Variants in SVIP observed in about 807,000 individuals in gnomAD.
SVIP encodes small VCP interacting protein.
Under a neutral mutation model 12.9 loss-of-function variants are expected in SVIP, and 14 were observed. The ratio of observed to expected loss-of-function variants is 1.08; its 90% confidence interval spans 0.72 to 1.70. The LOEUF is 1.70. Ranked by LOEUF, SVIP falls within the 40% of genes most tolerant of loss-of-function variation. SVIP has a pLI of 0.00. For synonymous variants in SVIP, 35 were observed against 33.3 expected, an observed-to-expected ratio of 1.05 and a Z score of -0.17; for missense variants, 93 against 90.8, an observed-to-expected ratio of 1.02 and a Z score of -0.10.
Position 22,827,207 on chromosome 11 carries a change from C to G in SVIP, c.219G>C (p.Arg73Ser). The change falls in exon 3 of 4, where the codon AGG (arginine) becomes AGC (serine). Residue 73 changes from arginine to serine, a missense_variant and splice_region_variant. By Grantham distance (110) the Arg-to-Ser change is moderately radical. Coordinates refer to ENST00000354193, the MANE Select transcript of SVIP (RefSeq NM_148893.3). ...TCACTAAGAAAATTTTAATACTTAC[C>G]CTAAGTCCACCTTCTGGTGGGGGCC... ...TSGPPPEGGL[R>S]WTVS 6.2e-7 allele frequency: 1 copy of G among 1,601,074 alleles called. No homozygotes were observed. Among genetic ancestry groups the G allele is most frequent in the Non-Finnish European group, 8.5e-7 (1 of 1,173,546 alleles).
At chr11:22,824,476 ATATATATATG>A (rs1564906006) in intron 3 of SVIP, among the ~76,000 whole-genome samples, 2 of 143,276 alleles carry the variant, frequency 1.4e-5, no homozygotes, top group African/African-American at 2.5e-5. Context: ...ATATATACGT[ATATATATATG>A]TATATATATA....
intron 3 of SVIP, among the ~76,000 whole-genome samples, chr11:22,826,544 C>CT (rs1590172940): frequency 6.6e-6 from 1 of 152,104 alleles, no homozygotes; most frequent in African/African-American, 2.4e-5. Context: ...TTTTCCTGAG[C>CT]TTTAAGGGAT....
intron 3 of SVIP, among the ~76,000 whole-genome samples, chr11:22,824,277 A>C (rs1476040477): frequency 6.6e-6 from 1 of 152,088 alleles, no homozygotes; most frequent in Non-Finnish European, 1.5e-5. Context: ...TCTTGAGTTA[A>C]GAAAATATTC....
chr11:22,824,097 C>A (rs1857581306), intron 3 of SVIP, among the ~76,000 whole-genome samples: 1 of 152,094 alleles, frequency 6.6e-6, no homozygotes, highest in Non-Finnish European at 1.5e-5. Flanking sequence ...AAGTTGGTAA[C>A]CACTGCACAG....
At position 22,829,743 on chromosome 11, in the gene SVIP, C is replaced by T. The variant is rs377496190; in HGVS notation, c.6G>A (p.Gly2=). ...ACTCCCCGGGACAAGGAAAACACAG[C>T]CCCATAGGGACGACAGCTTGAGAAC... is the stretch of plus-strand genomic sequence containing the variant. The part of the protein sequence containing the change: M[G]LCFPCPGESA... The change falls in exon 1 of 4, where the codon GGG becomes GGA. Residue 2 remains glycine (G), a synonymous_variant. Coordinates refer to ENST00000354193, the MANE Select transcript of SVIP (RefSeq NM_148893.3). 323 of 1,606,676 alleles carry T rather than the reference C, an allele frequency of 2.0e-4. 1 individual carries two copies. The highest frequency in any genetic ancestry group is 4.2e-4 in the Admixed American group (25 of 59,318).
rs78951626 is a variant in SVIP, at chr11:22,826,336, C to A, written c.219+871G>T. ...TGTAGGCAAGTGTATGTGTATATGT[C>A]CATGTATATGTATGTGCATGTGTGT... On this transcript the variant is annotated intron_variant, in intron 3 of 3. Coordinates refer to ENST00000354193, the MANE Select transcript of SVIP (RefSeq NM_148893.3). Among the ~76,000 whole-genome samples the A allele has an allele frequency of 5.4e-3, 826 of 151,724 alleles. 13 individuals are homozygous for A. Among genetic ancestry groups the A allele is most frequent in the East Asian group, 0.038 (197 of 5,156 alleles).
intron 3 of SVIP, 111 bp from the exon 4 acceptor site, chr11:22,823,244 T>C: frequency 1.4e-6 from 1 of 732,926 alleles, no homozygotes; most frequent in Non-Finnish European, 2.2e-6. Flanking sequence ...AAATACAAAA[T>C]GATTTTTCTG....
At chr11:22,825,839 T>A (rs2134758415) in intron 3 of SVIP, among the ~76,000 whole-genome samples, 1 of 152,324 alleles carries the variant, frequency 6.6e-6, no homozygotes, top group South Asian at 2.1e-4. Flanking sequence ...CGTATGACTT[T>A]AACTTAATAC....
intron 3 of SVIP, among the ~76,000 whole-genome samples, chr11:22,826,724 A>T (rs1470331344): frequency 6.6e-6 from 1 of 152,150 alleles, no homozygotes; most frequent in African/African-American, 2.4e-5. Flanking sequence ...CCAAATTAAC[A>T]TTTACATAAC....
rs889047354 is a variant in SVIP, at chr11:22,829,692, C to G, written c.54+3G>C. ...GGCGGACGCAGGGACCTGCTCTACTCACCAGGTCCGGCGTGGGAGGCGCGG... is the reference window on the plus strand; with the variant it reads ...GGCGGACGCAGGGACCTGCTCTACTGACCAGGTCCGGCGTGGGAGGCGCGG... On this transcript the variant is annotated splice_donor_region_variant and intron_variant, in intron 1 of 3. Transcript: ENST00000354193. 6.3e-7 allele frequency: 1 copy of G among 1,599,534 alleles called. No individual in the cohort carries two copies. Among genetic ancestry groups the G allele is most frequent in the Non-Finnish European group, 8.5e-7 (1 of 1,174,050 alleles).
rs111856595 is a variant in SVIP at position 22,826,470 on chromosome 11, A to G, written c.219+737T>C. Among the ~76,000 whole-genome samples, 828 of 152,332 alleles carry G rather than the reference A, an allele frequency of 5.4e-3. 13 individuals are homozygous for G. The highest frequency in any genetic ancestry group is 0.038 in the East Asian group (198 of 5,192). ...TGAAATTAAAGACATTGTCCTTTTC[A>G]CAAATATACTACTATTTACTTTAAA... On this transcript the variant is annotated intron_variant, in intron 3 of 3. Coordinates refer to ENST00000354193, the MANE Select transcript of SVIP (RefSeq NM_148893.3).
chr11:22,827,862 C>A lies in SVIP; in HGVS notation c.67G>T (p.Ala23Ser). The change falls in exon 2 of 4, where the codon GCA becomes TCA. Residue 23 changes from alanine (A) to serine (S), a missense_variant. Coordinates refer to ENST00000354193, the MANE Select transcript of SVIP (RefSeq NM_148893.3). ...PPTPDLEEKR[A>S]KLAEAAERRQ... ...CTCTCTGCAGCCTCTGCAAGCTTTG[C>A]TCTTTTCTCTTCCTAAATAAATGTG... The A allele has an allele frequency of 6.3e-7, 1 of 1,577,268 alleles. No homozygotes were observed. Among genetic ancestry groups the A allele is most frequent in the South Asian group, 1.2e-5 (1 of 83,336 alleles).
Position 22,821,797 on chromosome 11 carries a change from AAAT to A in SVIP, c.*1319_*1321del, listed in dbSNP as rs1857496198. ...ACAATATTTCACACCATAATAGAAA[AAAT>A]AATTTTTCCATGAGAAGTCAAGAGA... On this transcript the variant is annotated 3_prime_UTR_variant, in exon 4 of 4. Transcript: ENST00000354193. 6.6e-6 allele frequency: 1 copy of A among 152,208 alleles called. No individual in the cohort carries two copies. Among genetic ancestry groups the A allele is most frequent in the Non-Finnish European group, 1.5e-5 (1 of 68,032 alleles). 9.4% of individuals were successfully genotyped at this position (152,208 alleles called of 1,614,324 possible).
chr11:22,827,589 G>A (rs1857764895), intron 2 of SVIP, among the ~76,000 whole-genome samples: 1 of 152,000 alleles, frequency 6.6e-6, no homozygotes, highest in South Asian at 2.1e-4. Context: ...AAGGAAGGAT[G>A]TTACTAAAAG....
rs1857419642 is a variant in SVIP, at chr11:22,819,748, G to A, written c.*3371C>T. The A allele has an allele frequency of 6.5e-6, 1 of 152,710 alleles. No homozygotes were observed. Among genetic ancestry groups the A allele is most frequent in the Middle Eastern group, 3.4e-3 (1 of 296 alleles). 9.5% of individuals were successfully genotyped at this position (152,710 alleles called of 1,614,324 possible). ...GATTGTGCCATTGCACTCCAACCTG[G>A]GCAACAAGAGTGAAACTCCATCTCA... On this transcript the variant is annotated 3_prime_UTR_variant, in exon 4 of 4. Coordinates refer to ENST00000354193, the MANE Select transcript of SVIP (RefSeq NM_148893.3).
At chr11:22,827,730 C>A in intron 2 of SVIP, 94 bp downstream of exon 2, 1 of 941,230 alleles carries the variant, frequency 1.1e-6, no homozygotes, top group East Asian at 2.7e-5. Flanking sequence ...ATATCAAAGG[C>A]CATTTGCGTT....
At position 22,822,571 on chromosome 11, in the gene SVIP, T is replaced by C. The variant is rs1453378198; in HGVS notation, c.*548A>G. 6.6e-6 allele frequency: 1 copy of C among 152,182 alleles called. No individual in the cohort carries two copies. The highest frequency in any genetic ancestry group is 3.2e-3 in the Middle Eastern group (1 of 316). The allele number at this position is 152,182 out of a possible 1,614,324, so 9.4% of individuals were successfully genotyped here. On this transcript the variant is annotated 3_prime_UTR_variant, in exon 4 of 4. Coordinates refer to ENST00000354193, the MANE Select transcript of SVIP (RefSeq NM_148893.3). ...AATAAATTGGAAAAAATTTTACATCTGCCTAAGAATACTCATTACTAAGTT... is the reference window on the plus strand; with the variant it reads ...AATAAATTGGAAAAAATTTTACATCCGCCTAAGAATACTCATTACTAAGTT...
chr11:22,828,110 T>A (rs972938532), intron 1 of SVIP, among the ~76,000 whole-genome samples: 1 of 152,294 alleles, frequency 6.6e-6, no homozygotes, highest in African/African-American at 2.4e-5. Flanking sequence ...ATTTATTTAC[T>A]CTCTTTTTTA....
intron 1 of SVIP, 62 bp from the exon 2 acceptor site, chr11:22,827,936 C>A: frequency 8.0e-7 from 1 of 1,245,282 alleles, no homozygotes; most frequent in Non-Finnish European, 1.1e-6. Context: ...AAATTATTCA[C>A]ATTTATTTCA....
Sources: gnomAD v4.1 joint callset for allele counts (sites outside exome capture counted in the v4.1 genomes callset) on GRCh38, gnomAD v4.1.1 for gene constraint, MANE v1.5 for transcripts, NCBI Gene and HGNC (gene_info 2026-07-23, HGNC 2026-07-21) for gene names.